THSD4: variants seen among roughly 807,000 people sequenced by gnomAD.
THSD4 encodes thrombospondin type-1 domain-containing protein 4.
In THSD4, 69 loss-of-function variants were observed where a neutral mutation model predicts 119.0. That is an observed-to-expected ratio of 0.58 (90% CI 0.48 to 0.71). THSD4 has a LOEUF of 0.71. Among genes scored for constraint, THSD4 ranks in the 30% least tolerant of loss-of-function variants. THSD4 has a pLI of 0.00. For synonymous variants in THSD4, 524 were observed against 540.4 expected (o/e 0.97, Z 0.42); for missense variants, 1,393 against 1,391.1 (o/e 1.00, Z -0.02).
intron 8 of THSD4, among the ~76,000 whole-genome samples, chr15:71,710,609 C>T (rs542050927): frequency 3.8e-4 from 58 of 152,268 alleles, no homozygotes; most frequent in African/African-American, 1.2e-3. Context: ...CTGGCTCATA[C>T]GGTATCTTCA....
chr15:71,477,518 A>G (rs1363725439), intron 7 of THSD4, among the ~76,000 whole-genome samples: 1 of 152,208 alleles, frequency 6.6e-6, no homozygotes, highest in Non-Finnish European at 1.5e-5. Flanking sequence ...GATTAGGAGT[A>G]TGGAGGCCAC....
chr15:71,148,320 AACT>A (rs1438722841), intron 2 of THSD4, among the ~76,000 whole-genome samples: 1 of 152,220 alleles, frequency 6.6e-6, no homozygotes, highest in East Asian at 1.9e-4. Flanking sequence ...GGAAGGAGAC[AACT>A]AAGTGCCAAC....
intron 6 of THSD4, among the ~76,000 whole-genome samples, chr15:71,338,286 T>A (rs1346570826): frequency 7.6e-6 from 1 of 130,806 alleles, no homozygotes; most frequent in African/African-American, 2.8e-5. Context: ...CGCCCCACTC[T>A]GAGCTTCTTT....
chr15:71,242,506 TC>T, intron 4 of THSD4, 142 bp from the exon 5 acceptor site: 9 of 835,616 alleles, frequency 1.1e-5, no homozygotes, highest in Non-Finnish European at 1.5e-5. Context: ...TAAAATGCGT[TC>T]CCCCTGCTTC....
At chr15:71,433,932 C>G (rs2046972991) in intron 7 of THSD4, among the ~76,000 whole-genome samples, 1 of 152,066 alleles carries the variant, frequency 6.6e-6, no homozygotes, top group Non-Finnish European at 1.5e-5. Context: ...TTTGGGGAAC[C>G]CCATTAGCCG....
chr15:71,166,401 A>G (rs1399672889), intron 3 of THSD4, among the ~76,000 whole-genome samples: 5 of 152,220 alleles, frequency 3.3e-5, no homozygotes, highest in African/African-American at 1.2e-4. Flanking sequence ...TTGGAATGCT[A>G]AAGTGTTTCC....
intron 7 of THSD4, among the ~76,000 whole-genome samples, chr15:71,503,308 G>A (rs2048138722): frequency 6.6e-6 from 1 of 152,178 alleles, no homozygotes; most frequent in African/African-American, 2.4e-5. Flanking sequence ...GGGTGGTTGG[G>A]AAGAAGGTCA....
intron 6 of THSD4, among the ~76,000 whole-genome samples, chr15:71,263,025 G>A (rs1322145419): frequency 4.0e-5 from 6 of 151,804 alleles, no homozygotes; most frequent in Non-Finnish European, 5.9e-5. Flanking sequence ...ATAGGCAAAC[G>A]TGTCATGGGG....
At chr15:71,619,301 T>C (rs2050378088) in intron 7 of THSD4, among the ~76,000 whole-genome samples, 1 of 152,190 alleles carries the variant, frequency 6.6e-6, no homozygotes, top group Admixed American at 6.5e-5. Context: ...TCTTTCTGCA[T>C]CTTTACATAT....
At chr15:71,148,163 C>T (rs2040682523) in intron 2 of THSD4, among the ~76,000 whole-genome samples, 1 of 152,160 alleles carries the variant, frequency 6.6e-6, no homozygotes, top group Admixed American at 6.5e-5. Context: ...CTGCGCGAGC[C>T]AGGCAGGCCT....
At chr15:71,265,958 T>C (rs2044461021) in intron 6 of THSD4, among the ~76,000 whole-genome samples, 1 of 152,168 alleles carries the variant, frequency 6.6e-6, no homozygotes, top group Non-Finnish European at 1.5e-5. Flanking sequence ...ACAGCCCCAT[T>C]CAGGGGCTTA....
chr15:71,602,478 G>A lies in THSD4; in HGVS notation c.1153-58052G>A, dbSNP rs184823172. Among the ~76,000 whole-genome samples the A allele has an allele frequency of 3.2e-3, 480 of 147,798 alleles. 4 individuals carry two copies. The highest frequency in any genetic ancestry group is 0.011 in the African/African-American group (456 of 40,338). On this transcript the variant is annotated intron_variant, in intron 7 of 17. Coordinates refer to ENST00000261862, the MANE Select transcript of THSD4 (RefSeq NM_024817.3). Reference sequence around the variant, plus strand: ...TGAGGCAGGAGAATCTCTCAAACCCGGGAGGCAGAGGTTGCAGTGAGCCAA... The same window carrying A: ...TGAGGCAGGAGAATCTCTCAAACCCAGGAGGCAGAGGTTGCAGTGAGCCAA...
intron 7 of THSD4, among the ~76,000 whole-genome samples, chr15:71,580,791 G>A (rs1464839744): frequency 2.0e-5 from 3 of 151,840 alleles, no homozygotes; most frequent in Admixed American, 1.3e-4. Context: ...TGTACTCCAG[G>A]TTCATTCATG....
At chr15:71,406,806 A>G (rs2046615864) in intron 6 of THSD4, among the ~76,000 whole-genome samples, 1 of 151,880 alleles carries the variant, frequency 6.6e-6, no homozygotes, top group East Asian at 1.9e-4. Flanking sequence ...CAGCCTCCCA[A>G]GTAGCTGGGA....
chr15:71,734,800 T>G (rs2053049344), intron 10 of THSD4, among the ~76,000 whole-genome samples: 1 of 142,100 alleles, frequency 7.0e-6, no homozygotes, highest in African/African-American at 2.7e-5. Context: ...AACCTAAAAC[T>G]GCTCTAAAAA....
At chr15:71,672,276 G>T (rs570683683) in intron 8 of THSD4, among the ~76,000 whole-genome samples, 3 of 152,218 alleles carry the variant, frequency 2.0e-5, no homozygotes, top group Admixed American at 6.5e-5. Flanking sequence ...CTCATGATTT[G>T]GCTCTCTGTT....
intron 17 of THSD4, among the ~76,000 whole-genome samples, chr15:71,772,909 C>T (rs2053846675): frequency 6.6e-6 from 1 of 151,952 alleles, no homozygotes; most frequent in Non-Finnish European, 1.5e-5. Flanking sequence ...TGTAAAAATG[C>T]TAGAAAAAAG....
rs1379506089 is a variant in THSD4, at chr15:71,532,283, A to AGAGAGAGAGAGAGAGAGAGAGAGT, written c.1152+120461_1152+120462insAGAGAGAGAGAGAGAGAGAGAGTG. On this transcript the variant is annotated intron_variant, in intron 7 of 17. Coordinates refer to ENST00000261862, the MANE Select transcript of THSD4 (RefSeq NM_024817.3). The stretch of plus-strand genomic sequence containing the variant: ...AAGGGTGAGAGAGAGAGAGAGAGAG[A>AGAGAGAGAGAGAGAGAGAGAGAGT]GTGTGTGTGTGTGTGTGTGTGTGTG... Among the ~76,000 whole-genome samples, 313 of 101,586 alleles carry AGAGAGAGAGAGAGAGAGAGAGAGT rather than the reference A, an allele frequency of 3.1e-3. 4 individuals are homozygous for AGAGAGAGAGAGAGAGAGAGAGAGT. Among genetic ancestry groups the AGAGAGAGAGAGAGAGAGAGAGAGT allele is most frequent in the Admixed American group, 8.1e-3 (74 of 9,104 alleles). The allele number at this position is 101,586 out of a possible 152,430, so 66.6% of individuals were successfully genotyped here. A position where few individuals can be genotyped will look rare whatever the true frequency, so the allele number is the denominator to read the frequency against.
chr15:71,406,402 A>G (rs1017430694), intron 6 of THSD4, among the ~76,000 whole-genome samples: 1 of 152,094 alleles, frequency 6.6e-6, no homozygotes, highest in African/African-American at 2.4e-5. Flanking sequence ...AGTATTTGCT[A>G]TCTTTATTGA....
Sources: gnomAD v4.1 joint callset for allele counts (sites outside exome capture counted in the v4.1 genomes callset) on GRCh38, gnomAD v4.1.1 for gene constraint, MANE v1.5 for transcripts, NCBI Gene and HGNC (gene_info 2026-07-23, HGNC 2026-07-21) for gene names.